Variants in AARSD1 observed in about 807,000 individuals in gnomAD.
The protein encoded by AARSD1 is alanyl-tRNA synthetase domain containing 1, also known as alanyl-tRNA editing protein Aarsd1.
A neutral mutation model predicts 48.7 loss-of-function variants in AARSD1; 44 were observed. The observed-to-expected ratio is 0.90, with a 90% CI of 0.71 to 1.16. The LOEUF is 1.16. Ranked by LOEUF, AARSD1 falls within the 50% of genes most tolerant of loss-of-function variation. The pLI, the probability that AARSD1 is intolerant of heterozygous loss-of-function variation, is 0.00. For synonymous variants in AARSD1, 189 were observed against 194.9 expected (o/e 0.97, Z 0.25); for missense variants, 511 against 523.1 (o/e 0.98, Z 0.23).
At chr17:42,955,264 A>C in intron 7 of AARSD1, 40 bp from the exon 8 acceptor site, 3 of 1,611,506 alleles carry the variant, frequency 1.9e-6, no homozygotes, top group Non-Finnish European at 2.5e-6. Flanking sequence ...GCAGCTTCCC[A>C]GTCGTTTCTG....
intron 3 of AARSD1, chr17:42,957,587 C>G (rs2049577076): frequency 6.5e-6 from 1 of 153,668 alleles, no homozygotes; most frequent in Non-Finnish European, 1.4e-5. Context: ...TCTCGTGCCT[C>G]AGCCTCCTGA....
At chr17:42,952,378 A>T (rs2049490961) in intron 10 of AARSD1, among the ~76,000 whole-genome samples, 1 of 152,212 alleles carries the variant, frequency 6.6e-6, no homozygotes, top group Non-Finnish European at 1.5e-5. Context: ...AAATGTCGAC[A>T]TACATATTTG....
rs373593609 is a variant in AARSD1 at position 42,964,159 on chromosome 17, C to A, written c.118G>T (p.Gly40Cys). ...GTGTCTTCCAGCACCACTTGGAAAC[C>A]GCTCAGCACTTCTTTCTTGCCGTTG... ...GSNGKKEVLS[G>C]FQVVLEDTVL... The change falls in exon 2 of 12, where the codon GGT becomes TGT. Residue 40 changes from glycine (G) to cysteine (C), a missense_variant. By Grantham distance (159) the Gly-to-Cys change is radical. Coordinates refer to ENST00000427569, the MANE Select transcript of AARSD1 (RefSeq NM_001261434.2). 67 of 1,614,100 alleles carry A rather than the reference C, an allele frequency of 4.2e-5. No homozygotes were observed. The highest frequency in any genetic ancestry group is 5.4e-5 in the Non-Finnish European group (64 of 1,180,056).
intron 3 of AARSD1, chr17:42,960,923 G>C (rs2049627470): frequency 2.6e-6 from 1 of 381,236 alleles, no homozygotes; most frequent in East Asian, 6.2e-5. Context: ...TTTTGAGTTT[G>C]AAAAGGCTGT....
At chr17:42,960,996 A>T in intron 3 of AARSD1, 196 bp downstream of exon 3, 1 of 887,602 alleles carries the variant, frequency 1.1e-6, no homozygotes, top group Non-Finnish European at 1.6e-6. Context: ...CAGTTATTCT[A>T]ATACTTTTTT....
In AARSD1 at chr17:42,956,218, G is replaced by C. The variant is rs1567716044; in HGVS notation, c.649C>G (p.Leu217Val). Residue 217 changes from leucine to valine, a missense_variant, in exon 6 of 12, where the codon CTC (leucine) becomes GTC (valine). Transcript: ENST00000427569. Reference sequence around the variant, plus strand: ...TCCTCACTTACCTGAAGGTCACTGAGATTGCTCACATGGGTCCCACAGCAC... The same window carrying C: ...TCCTCACTTACCTGAAGGTCACTGACATTGCTCACATGGGTCCCACAGCAC... ...NMCCGTHVSN[L>V]SDLQVIKILG... 3 of 1,614,054 alleles carry C rather than the reference G, an allele frequency of 1.9e-6. No homozygotes were observed. The highest frequency in any genetic ancestry group is 1.7e-4 in the Middle Eastern group (1 of 6,056).
At chr17:42,956,589 CAT>C in intron 4 of AARSD1, 29 bp from the exon 5 acceptor site, 2 of 1,517,710 alleles carry the variant, frequency 1.3e-6, no homozygotes, top group African/African-American at 1.4e-5. Flanking sequence ...CCACAGATAA[CAT>C]ATCTTACTGA....
In AARSD1 at chr17:42,957,200, G is replaced by A. The variant is rs770215489; in HGVS notation, c.332-5C>T. ...CTGCCGTGATGAGATGCTGCCCTAA[G>A]CAAAGAGAGCCAGAGACAGGAGAAA... On this transcript the variant is annotated splice_polypyrimidine_tract_variant and splice_region_variant and intron_variant, in intron 3 of 11. Transcript: ENST00000427569. 5 of 1,613,610 alleles carry A rather than the reference G, an allele frequency of 3.1e-6. No homozygotes were observed. The highest frequency in any genetic ancestry group is 4.2e-6 in the Non-Finnish European group (5 of 1,179,798).
chr17:42,950,772 C>CA, intron 11 of AARSD1, 44 bp from the exon 12 acceptor site: 1 of 1,561,640 alleles, frequency 6.4e-7, no homozygotes, highest in Non-Finnish European at 8.6e-7. Context: ...AGGGAAAAGT[C>CA]ACAAAAAAAA....
intron 10 of AARSD1, among the ~76,000 whole-genome samples, chr17:42,952,649 GAC>G (rs1465861809): frequency 6.6e-6 from 1 of 151,864 alleles, no homozygotes; most frequent in Non-Finnish European, 1.5e-5. Flanking sequence ...CAGCCTGGGT[GAC>G]AGAGCAAGAC....
chr17:42,951,425 C>T (rs1486059447), intron 11 of AARSD1, among the ~76,000 whole-genome samples: 2 of 152,098 alleles, frequency 1.3e-5, no homozygotes, highest in Non-Finnish European at 2.9e-5. Context: ...TGGTTATGTG[C>T]ACCTGTAATC....
intron 10 of AARSD1, 152 bp from the exon 11 acceptor site, chr17:42,952,046 C>T (rs1250081369): frequency 8.2e-6 from 7 of 856,794 alleles, no homozygotes; most frequent in Non-Finnish European, 1.2e-5. Context: ...CCCCTCCACA[C>T]TGGCCCACGA....
intron 3 of AARSD1, among the ~76,000 whole-genome samples, chr17:42,960,139 C>T (rs560331220): frequency 2.8e-4 from 43 of 151,530 alleles, no homozygotes; most frequent in African/African-American, 7.3e-4. Context: ...CATGGTGGCA[C>T]GCACCTGTTA....
At chr17:42,955,436 C>CTTTTTT (rs34063248) in intron 7 of AARSD1, 7 of 284,048 alleles carry the variant, frequency 2.5e-5, no homozygotes, top group South Asian at 6.2e-5. Flanking sequence ...AGCACTTGAT[C>CTTTTTT]TTTTTTTTTT....
chr17:42,953,090 A>G (rs549054190), intron 10 of AARSD1, among the ~76,000 whole-genome samples: 8 of 152,076 alleles, frequency 5.3e-5, no homozygotes, highest in Non-Finnish European at 1.2e-4. Flanking sequence ...AGAGATTCTC[A>G]TGCCTCAGCC....
At chr17:42,953,092 G>A (rs985389044) in intron 10 of AARSD1, among the ~76,000 whole-genome samples, 1 of 152,214 alleles carries the variant, frequency 6.6e-6, no homozygotes, top group African/African-American at 2.4e-5. Context: ...AGATTCTCAT[G>A]CCTCAGCCTC....
chr17:42,963,215 G>A (rs185830155), intron 2 of AARSD1, among the ~76,000 whole-genome samples: 1 of 151,260 alleles, frequency 6.6e-6, no homozygotes, highest in African/African-American at 2.4e-5. Context: ...CGAGTAGCTG[G>A]GACTACAGGG....
chr17:42,959,746 C>A (rs1277963582), intron 3 of AARSD1, among the ~76,000 whole-genome samples: 1 of 151,768 alleles, frequency 6.6e-6, no homozygotes, highest in African/African-American at 2.4e-5. Flanking sequence ...TCACTGCAAC[C>A]TCCACCTCCC....
intron 4 of AARSD1, among the ~76,000 whole-genome samples, chr17:42,956,934 T>C (rs1019283242): frequency 1.1e-4 from 16 of 144,796 alleles, no homozygotes; most frequent in African/African-American, 3.8e-4. Context: ...CCCAAAGTGC[T>C]GGGATTACAA....
Sources: gnomAD v4.1 joint callset for allele counts (sites outside exome capture counted in the v4.1 genomes callset) on GRCh38, gnomAD v4.1.1 for gene constraint, MANE v1.5 for transcripts, NCBI Gene and HGNC (gene_info 2026-07-23, HGNC 2026-07-21) for gene names.